The following AVL9 variants were observed in gnomAD, a reference collection of about 807,000 sequenced individuals.
The protein encoded by AVL9 is late secretory pathway protein AVL9 homolog.
AVL9 carries 49 observed loss-of-function variants against 79.2 expected under a neutral mutation model. That is an observed-to-expected ratio of 0.62 (90% CI 0.49 to 0.79). The LOEUF (loss-of-function observed/expected upper bound fraction) is 0.79, where lower values mean the gene tolerates loss of function less well. Ranked by LOEUF, AVL9 falls within the 30% of genes least tolerant of loss-of-function variation. The pLI, the probability that AVL9 is intolerant of heterozygous loss-of-function variation, is 0.00. For missense variants in AVL9, 682 were observed against 776.8 expected (o/e 0.88, Z 1.45); for synonymous variants, 299 against 280.6 (o/e 1.07, Z -0.65).
At chr7:32,495,852 T>C in intron 1 of AVL9, 50 bp downstream of exon 1, 1 of 1,199,118 alleles carries the variant, frequency 8.3e-7, no homozygotes, top group Non-Finnish European at 1.1e-6. Context: ...GTTCGCCCCT[T>C]CCGGGGCCCC....
intron 13 of AVL9, among the ~76,000 whole-genome samples, chr7:32,579,322 T>A (rs1479591483): frequency 4.3e-4 from 17 of 39,760 alleles, no homozygotes; most frequent in Admixed American, 2.2e-3. Flanking sequence ...TATATATATT[T>A]TATATAATAT....
intron 1 of AVL9, among the ~76,000 whole-genome samples, chr7:32,518,110 G>C (rs973735941): frequency 8.5e-5 from 13 of 152,156 alleles, no homozygotes; most frequent in Admixed American, 3.9e-4. Context: ...GGATTTACAC[G>C]TGTGAGCCAC....
chr7:32,573,551 A>C, intron 12 of AVL9, 133 bp downstream of exon 12: 1 of 784,660 alleles, frequency 1.3e-6, no homozygotes, highest in East Asian at 2.7e-5. Flanking sequence ...CCTCATACAA[A>C]GATAGCCACT....
chr7:32,538,396 C>T (rs1583539561), intron 1 of AVL9: 1 of 152,224 alleles, frequency 6.6e-6, no homozygotes, highest in African/African-American at 2.4e-5. Context: ...GTAGTATGCT[C>T]CACTTGCTGT....
At chr7:32,497,593 G>C (rs952562448) in intron 1 of AVL9, among the ~76,000 whole-genome samples, 1 of 151,816 alleles carries the variant, frequency 6.6e-6, no homozygotes, top group African/African-American at 2.4e-5. Flanking sequence ...CTTGTGTGAG[G>C]GTACTTAGAC....
In AVL9 at chr7:32,580,217, A is replaced by C. The variant is rs748424811; in HGVS notation, c.1689-2A>C. ...TAGTTTAAACTCAAACTTTTTTTAC[A>C]GCCATCCATTTCAAGGCCAATACTC... On this transcript the variant is annotated splice_acceptor_variant, in intron 13 of 15. Coordinates refer to ENST00000318709, the MANE Select transcript of AVL9 (RefSeq NM_015060.3). LOFTEE classifies it high-confidence loss of function. The C allele has an allele frequency of 1.2e-6, 2 of 1,610,198 alleles. No individual in the cohort carries two copies. Among genetic ancestry groups the C allele is most frequent in the Non-Finnish European group, 8.5e-7 (1 of 1,178,308 alleles).
chr7:32,509,341 T>C (rs1383283624), intron 1 of AVL9, among the ~76,000 whole-genome samples: 1 of 152,090 alleles, frequency 6.6e-6, no homozygotes, highest in Non-Finnish European at 1.5e-5. Context: ...CTCTGTACCC[T>C]GTATCTATAT....
chr7:32,533,973 G>T (rs1433521170), intron 1 of AVL9: 1 of 152,128 alleles, frequency 6.6e-6, no homozygotes, highest in African/African-American at 2.4e-5. Context: ...CTTTGTTTTT[G>T]TAGTTTTCTT....
At chr7:32,539,254 AAAAAGAAAAGG>A (rs1789063841) in intron 1 of AVL9, 1 of 152,322 alleles carries the variant, frequency 6.6e-6, no homozygotes, top group South Asian at 2.1e-4. Context: ...CATCTCAAAA[AAAAAGAAAAGG>A]AAAAGAAAAG....
chr7:32,584,144 G>GA lies in AVL9; in HGVS notation c.*238dup. 1.8e-6 allele frequency: 1 copy of GA among 544,158 alleles called. No individual in the cohort carries two copies. The highest frequency in any genetic ancestry group is 3.4e-6 in the Non-Finnish European group (1 of 295,104). 33.7% of individuals were successfully genotyped at this position (544,158 alleles called of 1,614,324 possible). A position where few individuals can be genotyped will look rare whatever the true frequency, so the allele number is the denominator to read the frequency against. On this transcript the variant is annotated 3_prime_UTR_variant, in exon 16 of 16. Coordinates refer to ENST00000318709, the MANE Select transcript of AVL9 (RefSeq NM_015060.3). ...ACTACTTTTATTTCAGTCTGAGCCT[G>GA]ATTAAAACATACAGTGAACCTTCTA... is the stretch of plus-strand genomic sequence containing the variant.
At chr7:32,505,886 A>G (rs929334613) in intron 1 of AVL9, among the ~76,000 whole-genome samples, 3 of 152,178 alleles carry the variant, frequency 2.0e-5, no homozygotes, top group South Asian at 2.1e-4. Flanking sequence ...TCATATATAT[A>G]TTTATGTACT....
chr7:32,506,364 G>C (rs1241430387), intron 1 of AVL9, among the ~76,000 whole-genome samples: 2 of 152,102 alleles, frequency 1.3e-5, no homozygotes, highest in African/African-American at 4.8e-5. Flanking sequence ...TCAAACACAA[G>C]CATCTTGATA....
chr7:32,544,827 G>T, intron 3 of AVL9, 48 bp downstream of exon 3: 1 of 1,382,228 alleles, frequency 7.2e-7, no homozygotes, highest in Non-Finnish European at 1.0e-6. Context: ...CTTCTTAGAT[G>T]TTGGACACTT....
chr7:32,582,153 A>G (rs1272623015), intron 15 of AVL9, among the ~76,000 whole-genome samples: 1 of 152,236 alleles, frequency 6.6e-6, no homozygotes, highest in Non-Finnish European at 1.5e-5. Context: ...TGAACATTGC[A>G]ACAGTGCAAG....
chr7:32,567,383 T>A (rs1790630839), intron 10 of AVL9, among the ~76,000 whole-genome samples: 2 of 152,218 alleles, frequency 1.3e-5, no homozygotes, highest in African/African-American at 4.8e-5. Flanking sequence ...ATTACAGACA[T>A]GAGCCACCAC....
At chr7:32,554,439 G>A (rs1789971116) in intron 7 of AVL9, 119 bp from the exon 8 acceptor site, 1 of 472,026 alleles carries the variant, frequency 2.1e-6, no homozygotes, top group Non-Finnish European at 3.7e-6. Flanking sequence ...AATTTTTCAT[G>A]TACTTTTTAA....
intron 5 of AVL9, 25 bp downstream of exon 5, chr7:32,551,448 G>A: frequency 1.5e-6 from 2 of 1,328,868 alleles, no homozygotes; most frequent in Non-Finnish European, 2.2e-6. Context: ...CTCTATAGAT[G>A]TGTTTGGCTG....
chr7:32,537,694 G>C (rs1215433430), intron 1 of AVL9: 1 of 152,128 alleles, frequency 6.6e-6, no homozygotes, highest in African/African-American at 2.4e-5. Flanking sequence ...TTGATCTCCT[G>C]ACCTCGTGAT....
At chr7:32,526,826 G>A (rs972367832) in intron 1 of AVL9, among the ~76,000 whole-genome samples, 9 of 152,120 alleles carry the variant, frequency 5.9e-5, no homozygotes, top group Non-Finnish European at 8.8e-5. Context: ...TCCGCAGAGC[G>A]AAAGAGAGTC....
Sources: allele counts gnomAD v4.1 joint callset (sites outside exome capture counted in the v4.1 genomes callset), GRCh38; gene constraint gnomAD v4.1.1; transcripts MANE v1.5; gene names NCBI Gene and HGNC (gene_info 2026-07-23, HGNC 2026-07-21).